GLIS3: variants seen among roughly 807,000 people sequenced by gnomAD.
GLIS3 encodes zinc finger protein GLIS3.
A neutral mutation model predicts 78.6 loss-of-function variants in GLIS3; 53 were observed. The ratio of observed to expected loss-of-function variants is 0.67; its 90% confidence interval spans 0.54 to 0.85. The LOEUF (loss-of-function observed/expected upper bound fraction) is 0.85. GLIS3 is among the 40% of genes least tolerant of loss of function. The pLI, the probability that GLIS3 is intolerant of heterozygous loss-of-function variation, is 0.00. For missense variants in GLIS3, 1,703 were observed against 1,231.1 expected (o/e 1.38, Z -5.74); for synonymous variants, 684 against 509.9 (o/e 1.34, Z -4.60).
intron 4 of GLIS3, among the ~76,000 whole-genome samples, chr9:4,072,951 A>G (rs1827731767): frequency 6.6e-6 from 1 of 152,098 alleles, no homozygotes; most frequent in African/African-American, 2.4e-5. Flanking sequence ...ATAAAAGCAT[A>G]TGCTTTAACT....
At chr9:4,110,915 G>T (rs1246436959) in intron 4 of GLIS3, among the ~76,000 whole-genome samples, 3 of 152,150 alleles carry the variant, frequency 2.0e-5, no homozygotes, top group African/African-American at 7.2e-5. Context: ...AATGTGTTTG[G>T]TCTTTCACTC....
At chr9:3,864,777 A>G (rs1212162186) in intron 8 of GLIS3, among the ~76,000 whole-genome samples, 1 of 152,246 alleles carries the variant, frequency 6.6e-6, no homozygotes, top group Non-Finnish European at 1.5e-5. Context: ...TATTTTAAAA[A>G]TACACAATTA....
intron 4 of GLIS3, among the ~76,000 whole-genome samples, chr9:3,964,424 C>T (rs148309455): frequency 6.6e-6 from 1 of 152,130 alleles, no homozygotes; most frequent in Non-Finnish European, 1.5e-5. Context: ...GTTACCCCCC[C>T]AAAAAGGAAC....
chr9:4,145,535 C>A (rs892032711), intron 2 of GLIS3, among the ~76,000 whole-genome samples: 1 of 152,134 alleles, frequency 6.6e-6, no homozygotes, highest in Non-Finnish European at 1.5e-5. Flanking sequence ...ACACACAGTT[C>A]TTAAGAATGA....
intron 6 of GLIS3, among the ~76,000 whole-genome samples, chr9:3,931,461 T>A (rs958675757): frequency 6.6e-6 from 1 of 152,082 alleles, no homozygotes; most frequent in Non-Finnish European, 1.5e-5. Context: ...TGCCCTTAAA[T>A]TTGTTATAAA....
intron 9 of GLIS3, among the ~76,000 whole-genome samples, chr9:3,837,302 A>C (rs1044612156): frequency 6.6e-6 from 1 of 152,198 alleles, no homozygotes; most frequent in African/African-American, 2.4e-5. Context: ...AAGGATGTGG[A>C]GCAATGGGAA....
chr9:4,407,977 A>G, the GLIS3 span, among the ~76,000 whole-genome samples: 1 of 152,224 alleles, frequency 6.6e-6, no homozygotes, highest in Non-Finnish European at 1.5e-5. Flanking sequence ...GACATTTCTA[A>G]GATGACATAC....
Position 4,117,839 on chromosome 9 carries a change from G to A in GLIS3, c.1639C>T (p.Pro547Ser), listed in dbSNP as rs1294318995. 6.2e-7 allele frequency: 1 copy of A among 1,614,158 alleles called. No homozygotes were observed. The highest frequency in any genetic ancestry group is 8.5e-7 in the Non-Finnish European group (1 of 1,180,022). Residue 547 changes from proline (P) to serine (S), a missense_variant, in exon 4 of 11, where the codon CCC becomes TCC. Physicochemically the swap from Pro to Ser is moderately conservative, Grantham distance 74. Transcript: ENST00000381971. ...AGCAGTTTATAGCGGGCGTTGAAGGGCTTGTATCTTCGAGGGCAACCGGCC... is the reference window on the plus strand; with the variant it reads ...AGCAGTTTATAGCGGGCGTTGAAGGACTTGTATCTTCGAGGGCAACCGGCC... ...FWAGCPRRYK[P>S]FNARYKLLIH...
chr9:4,286,819 A>C (rs924438584), intron 1 of GLIS3, among the ~76,000 whole-genome samples: 1 of 152,044 alleles, frequency 6.6e-6, no homozygotes, highest in Non-Finnish European at 1.5e-5. Flanking sequence ...GCAAAACAAA[A>C]CTTATTTTGT....
intron 2 of GLIS3, among the ~76,000 whole-genome samples, chr9:4,155,428 T>A (rs1399977965): frequency 6.6e-6 from 1 of 152,254 alleles, no homozygotes; most frequent in African/African-American, 2.4e-5. Flanking sequence ...CGTAGATTCT[T>A]AGGCAGTTGT....
intron 4 of GLIS3, among the ~76,000 whole-genome samples, chr9:4,031,548 A>C (rs1343390280): frequency 1.3e-5 from 2 of 152,240 alleles, no homozygotes; most frequent in Non-Finnish European, 2.9e-5. Flanking sequence ...TAATGTTTCA[A>C]AACTTGATAT....
chr9:4,018,901 T>C (rs1436350289), intron 4 of GLIS3, among the ~76,000 whole-genome samples: 1 of 152,180 alleles, frequency 6.6e-6, no homozygotes, highest in Non-Finnish European at 1.5e-5. Context: ...GTGTGAATAA[T>C]CTTTGAATGT....
chr9:4,111,394 T>C (rs943156001), intron 4 of GLIS3, among the ~76,000 whole-genome samples: 9 of 152,182 alleles, frequency 5.9e-5, no homozygotes, highest in African/African-American at 2.2e-4. Flanking sequence ...TTTGAAATGT[T>C]TGCCCAAATC....
At chr9:3,897,186 C>A (rs542347456) in intron 7 of GLIS3, among the ~76,000 whole-genome samples, 7 of 152,268 alleles carry the variant, frequency 4.6e-5, no homozygotes, top group Middle Eastern at 3.4e-3. Context: ...TACAGCCAGA[C>A]TAGCCCATCA....
chr9:3,870,941 C>G (rs1820931981), intron 8 of GLIS3, among the ~76,000 whole-genome samples: 2 of 152,216 alleles, frequency 1.3e-5, no homozygotes, highest in Non-Finnish European at 2.9e-5. Context: ...CAAGGCAGGT[C>G]TCTTCCACAT....
intron 4 of GLIS3, among the ~76,000 whole-genome samples, chr9:4,111,622 C>A (rs975910419): frequency 1.3e-5 from 2 of 152,212 alleles, no homozygotes; most frequent in Non-Finnish European, 1.5e-5. Flanking sequence ...TTTACCTATA[C>A]TAAGGGATTT....
At chr9:4,155,665 T>A (rs1170785256) in intron 2 of GLIS3, among the ~76,000 whole-genome samples, 1 of 152,106 alleles carries the variant, frequency 6.6e-6, no homozygotes, top group Non-Finnish European at 1.5e-5. Context: ...TACTTCTCCT[T>A]CAAATGGAGA....
intron 2 of GLIS3, among the ~76,000 whole-genome samples, chr9:4,138,782 T>C (rs1833594712): frequency 6.6e-6 from 1 of 152,216 alleles, no homozygotes; most frequent in African/African-American, 2.4e-5. Flanking sequence ...GTCACGTATG[T>C]AGACCACTTA....
chr9:4,169,727 G>A (rs80088155), intron 2 of GLIS3, among the ~76,000 whole-genome samples: 7 of 152,074 alleles, frequency 4.6e-5, no homozygotes, highest in African/African-American at 9.6e-5. Flanking sequence ...TACTCAAATC[G>A]TTCAGGAAAA....
Sources: gnomAD v4.1 joint callset for allele counts (sites outside exome capture counted in the v4.1 genomes callset) on GRCh38, gnomAD v4.1.1 for gene constraint, MANE v1.5 for transcripts, NCBI Gene and HGNC (gene_info 2026-07-23, HGNC 2026-07-21) for gene names.